PTPRG: variants seen among roughly 807,000 people sequenced by gnomAD.
PTPRG encodes protein tyrosine phosphatase receptor type G.
In PTPRG, 102 loss-of-function variants were observed where a neutral mutation model predicts 165.3. The ratio of observed to expected loss-of-function variants is 0.62; its 90% CI spans 0.53 to 0.73. The LOEUF is 0.73. PTPRG is among the 30% of genes least tolerant of loss of function. The probability of loss-of-function intolerance (pLI) is 0.00; values close to 1 mark genes in which losing one functional copy is unlikely to be tolerated. For synonymous variants in PTPRG, 675 were observed against 669.5 expected (o/e 1.01, Z -0.13); for missense variants, 1,866 against 1,861.4 (o/e 1.00, Z -0.05).
intron 1 of PTPRG, among the ~76,000 whole-genome samples, chr3:61,722,455 G>T (rs1166717834): frequency 6.6e-6 from 1 of 152,134 alleles, no homozygotes; most frequent in Non-Finnish European, 1.5e-5. Context: ...GGGAAATTTG[G>T]ACACTAAATT....
At position 61,665,175 on chromosome 3, in the gene PTPRG, C is replaced by T. The variant is rs541759456; in HGVS notation, c.86-83703C>T. On this transcript the variant is annotated intron_variant, in intron 1 of 29. Coordinates refer to ENST00000474889, the MANE Select transcript of PTPRG (RefSeq NM_002841.4). The stretch of plus-strand genomic sequence containing the variant: ...TAGGGGCTAATCTTCACCACACAAG[C>T]TCCTGCCTTTCTGCCATTCAGAAGT... Among the ~76,000 whole-genome samples the T allele has an allele frequency of 1.1e-4, 17 of 152,288 alleles. No homozygotes were observed. The East Asian group carries it at 3.1e-3, about 28-fold the overall frequency.
chr3:62,110,302 C>T lies in PTPRG; in HGVS notation c.616-22300C>T, dbSNP rs115171325. Among the ~76,000 whole-genome samples, 570 of 152,128 alleles carry T rather than the reference C, an allele frequency of 3.7e-3. 4 individuals are homozygous for T. The highest frequency in any genetic ancestry group is 0.013 in the African/African-American group (550 of 41,520). On this transcript the variant is annotated intron_variant, in intron 5 of 29. Coordinates refer to ENST00000474889, the MANE Select transcript of PTPRG (RefSeq NM_002841.4). ...GAGAAGCCACCTACAAAAAGAATTGCCACCAAACTACCAACTTGTGACCAA... is the reference window on the plus strand; with the variant it reads ...GAGAAGCCACCTACAAAAAGAATTGTCACCAAACTACCAACTTGTGACCAA...
At chr3:61,813,647 CAGTAGT>C (rs2035664108) in intron 2 of PTPRG, among the ~76,000 whole-genome samples, 1 of 145,130 alleles carries the variant, frequency 6.9e-6, no homozygotes, top group African/African-American at 2.6e-5. Context: ...CCTTTAATAG[CAGTAGT>C]TGTAGTTGTA....
rs1704564753 is a variant in PTPRG at position 62,157,074 on chromosome 3, GACCTTTCT to G, written c.691_698del (p.Thr231GlyfsTer29). 1 of 1,603,146 alleles carries G rather than the reference GACCTTTCT, an allele frequency of 6.2e-7. No individual in the cohort carries two copies. The highest frequency in any genetic ancestry group is 8.5e-7 in the Non-Finnish European group (1 of 1,170,222). ...CCCTTTTTCCCCAAACAGAGAAGGAGACCTTTCTGGATCCTTTCGTCCTCCGGGACCTC... is the reference window on the plus strand; with the variant it reads ...CCCTTTTTCCCCAAACAGAGAAGGAGGGATCCTTTCGTCCTCCGGGACCTC... On this transcript the variant is annotated frameshift_variant, in exon 7 of 30. Coordinates refer to ENST00000474889, the MANE Select transcript of PTPRG (RefSeq NM_002841.4). LOFTEE classifies it high-confidence loss of function.
chr3:62,030,895 A>C (rs1374622956), intron 4 of PTPRG, among the ~76,000 whole-genome samples: 2 of 152,206 alleles, frequency 1.3e-5, no homozygotes, highest in Non-Finnish European at 2.9e-5. Context: ...GTAAATCTAA[A>C]GCAGATGCTT....
chr3:62,060,211 CAAAA>C (rs3068431), intron 4 of PTPRG, among the ~76,000 whole-genome samples: 68,582 of 131,420 alleles, frequency 0.52, 17,209 homozygotes, highest in Middle Eastern at 0.65. Flanking sequence ...GACCCTGTCT[CAAAA>C]AAAAAAAAAA....
chr3:61,666,662 A>G (rs928064198), intron 1 of PTPRG, among the ~76,000 whole-genome samples: 1 of 152,190 alleles, frequency 6.6e-6, no homozygotes, highest in African/African-American at 2.4e-5. Context: ...ACTCAGCACT[A>G]TTGACATTTT....
At chr3:61,635,806 C>T (rs1701893759) in intron 1 of PTPRG, among the ~76,000 whole-genome samples, 1 of 152,084 alleles carries the variant, frequency 6.6e-6, no homozygotes, top group African/African-American at 2.4e-5. Context: ...AATTTATTTA[C>T]TAATTCCTCA....
At chr3:62,275,818 C>A (rs1000362452) in intron 23 of PTPRG, 55 bp from the exon 24 acceptor site, 100 of 1,343,480 alleles carry the variant, frequency 7.4e-5, no homozygotes, top group Non-Finnish European at 9.9e-5. Flanking sequence ...AAGCATCAAG[C>A]AAATGCTATC....
chr3:61,990,015 T>C (rs2040847638), intron 3 of PTPRG, among the ~76,000 whole-genome samples: 1 of 152,052 alleles, frequency 6.6e-6, no homozygotes, highest in South Asian at 2.1e-4. Flanking sequence ...AAATATAAAC[T>C]ATAGATAATA....
intron 3 of PTPRG, among the ~76,000 whole-genome samples, chr3:61,997,045 G>A (rs530082989): frequency 6.6e-6 from 1 of 152,214 alleles, no homozygotes; most frequent in African/African-American, 2.4e-5. Flanking sequence ...TCCATCTTTC[G>A]TGTCTTATAT....
intron 5 of PTPRG, among the ~76,000 whole-genome samples, chr3:62,131,413 C>A (rs1244334165): frequency 4.6e-5 from 7 of 152,242 alleles, no homozygotes; most frequent in African/African-American, 1.7e-4. Context: ...CTAGGAACAG[C>A]AACCCAACAG....
Position 62,273,627 on chromosome 3 carries a change from AG to A in PTPRG, c.3319-69del, listed in dbSNP as rs1279681501. 7.4e-6 allele frequency: 11 copies of A among 1,486,876 alleles called. No homozygotes were observed. The highest frequency in any genetic ancestry group is 9.3e-6 in the Non-Finnish European group (10 of 1,072,426). 92.1% of individuals were successfully genotyped at this position (1,486,876 alleles called of 1,614,324 possible). A position where few individuals can be genotyped will look rare whatever the true frequency, so the allele number is the denominator to read the frequency against. The stretch of plus-strand genomic sequence containing the variant: ...CCCTGTTAGCAGCAGAATTAAACTA[AG>A]GTACACTTCATGAATGAGTGGCTAA... On this transcript the variant is annotated intron_variant, in intron 22 of 29. Transcript: ENST00000474889. This position sits in a 1 kb window ranked among gnomAD's most constrained non-coding sequence, Gnocchi z 4.1.
intron 2 of PTPRG, among the ~76,000 whole-genome samples, chr3:61,869,667 C>G (rs981534872): frequency 1.3e-5 from 2 of 152,108 alleles, no homozygotes; most frequent in Non-Finnish European, 2.9e-5. Flanking sequence ...CAGCCTCAAC[C>G]TCCTGGGCTT....
intron 1 of PTPRG, among the ~76,000 whole-genome samples, chr3:61,606,853 A>G (rs1211212819): frequency 1.3e-5 from 2 of 152,214 alleles, no homozygotes; most frequent in East Asian, 1.9e-4. Context: ...TATTATTACT[A>G]TCACATTGGC....
intron 2 of PTPRG, among the ~76,000 whole-genome samples, chr3:61,826,778 C>G (rs550961375): frequency 6.6e-6 from 1 of 150,620 alleles, no homozygotes; most frequent in South Asian, 2.1e-4. Context: ...TATCATAGGT[C>G]TAGAGTCCAT....
intron 2 of PTPRG, among the ~76,000 whole-genome samples, chr3:61,947,632 G>A (rs549212616): frequency 1.3e-5 from 2 of 152,316 alleles, no homozygotes; most frequent in African/African-American, 4.8e-5. Flanking sequence ...AAAGTCTGGG[G>A]CTGGTTCTGG....
At chr3:61,928,941 G>A (rs1247315566) in intron 2 of PTPRG, among the ~76,000 whole-genome samples, 1 of 152,108 alleles carries the variant, frequency 6.6e-6, no homozygotes, top group Non-Finnish European at 1.5e-5. Flanking sequence ...ATGGAGACAT[G>A]TGTGGTTGTC....
intron 9 of PTPRG, among the ~76,000 whole-genome samples, chr3:62,194,069 G>C (rs1295331017): frequency 6.6e-6 from 1 of 152,188 alleles, no homozygotes; most frequent in Non-Finnish European, 1.5e-5. Flanking sequence ...TTCTGGAAAT[G>C]GCTACATAGT....
Sources: gnomAD v4.1 joint callset for allele counts (sites outside exome capture counted in the v4.1 genomes callset) on GRCh38, gnomAD v4.1.1 for gene constraint, Gnocchi (gnomAD v3.1) non-coding constraint, MANE v1.5 for transcripts, NCBI Gene and HGNC (gene_info 2026-07-23, HGNC 2026-07-21) for gene names.